Variants in GPC5 observed in about 807,000 individuals in gnomAD.
GPC5 encodes glypican-5.
In GPC5, 47 loss-of-function variants were observed where a neutral mutation model predicts 53.9. The observed-to-expected ratio is 0.87, with a 90% CI of 0.69 to 1.11. The LOEUF (loss-of-function observed/expected upper bound fraction) is 1.11, where lower values mean the gene tolerates loss of function less well. GPC5 is among the 50% of genes most tolerant of loss of function. The probability of loss-of-function intolerance (pLI) is 0.00; values close to 1 mark genes in which losing one functional copy is unlikely to be tolerated. For synonymous variants in GPC5, 286 were observed against 263.3 expected (o/e 1.09, Z -0.84); for missense variants, 748 against 713.1 (o/e 1.05, Z -0.56).
chr13:92,587,960 A>C (rs1883591541), intron 7 of GPC5, among the ~76,000 whole-genome samples: 1 of 151,742 alleles, frequency 6.6e-6, no homozygotes. Flanking sequence ...CTGAACATGC[A>C]GGTTTTTTAC....
Position 91,456,281 on chromosome 13 carries a change from C to A in GPC5, c.325+7359C>A, listed in dbSNP as rs573567495. Among the ~76,000 whole-genome samples, 23 of 151,990 alleles carry A rather than the reference C, an allele frequency of 1.5e-4. 1 individual carries two copies. In the South Asian group the frequency reaches 2.7e-3, roughly 18 times the overall value. On this transcript the variant is annotated intron_variant, in intron 2 of 7. Coordinates refer to ENST00000377067, the MANE Select transcript of GPC5 (RefSeq NM_004466.6). The stretch of plus-strand genomic sequence containing the variant: ...ATGGTGATCCTGTATAAGGTATAGA[C>A]AAAGTGTATAATCTTTTTTTTTAGT...
At chr13:92,414,640 A>G (rs929468154) in intron 7 of GPC5, among the ~76,000 whole-genome samples, 1 of 152,162 alleles carries the variant, frequency 6.6e-6, no homozygotes, top group Admixed American at 6.6e-5. Flanking sequence ...AAAGATGAGT[A>G]TGGGTGTCTG....
chr13:91,732,028 T>A (rs746942257), intron 4 of GPC5, among the ~76,000 whole-genome samples: 3 of 152,264 alleles, frequency 2.0e-5, no homozygotes, highest in Non-Finnish European at 4.4e-5. Context: ...GAATGATTTA[T>A]AATCCTTTGG....
intron 7 of GPC5, among the ~76,000 whole-genome samples, chr13:92,647,414 C>G (rs12873920): frequency 6.6e-6 from 1 of 151,876 alleles, no homozygotes; most frequent in Non-Finnish European, 1.5e-5. Flanking sequence ...TGAGATTTGC[C>G]TGTGTTTTCA....
At chr13:92,650,390 CA>C (rs1885916017) in intron 7 of GPC5, among the ~76,000 whole-genome samples, 1 of 152,040 alleles carries the variant, frequency 6.6e-6, no homozygotes, top group Non-Finnish European at 1.5e-5. Context: ...CAGTGATTTC[CA>C]GAGCAAATGG....
intron 6 of GPC5, among the ~76,000 whole-genome samples, chr13:92,084,278 A>C (rs533716408): frequency 6.6e-6 from 1 of 152,172 alleles, no homozygotes; most frequent in South Asian, 2.1e-4. Context: ...CCAGAACTTA[A>C]TTTTTTTTAA....
At chr13:92,638,800 G>A (rs1380125786) in intron 7 of GPC5, among the ~76,000 whole-genome samples, 1 of 152,170 alleles carries the variant, frequency 6.6e-6, no homozygotes, top group African/African-American at 2.4e-5. Context: ...GGAAGGAGGA[G>A]TCAGCAGAGA....
intron 1 of GPC5, among the ~76,000 whole-genome samples, chr13:91,432,408 G>A (rs1403782361): frequency 1.3e-5 from 2 of 152,134 alleles, no homozygotes; most frequent in African/African-American, 2.4e-5. Flanking sequence ...AGATATGCTT[G>A]TGATTGGTTA....
At position 92,123,093 on chromosome 13, in the gene GPC5, T is replaced by C. The variant is rs189604016; in HGVS notation, c.1402-21737T>C. ...ATAAATAACTGATGGCCAAAATGGA[T>C]AATTGTCATGATAGAAGTTATTGAC... On this transcript the variant is annotated intron_variant, in intron 6 of 7. Coordinates refer to ENST00000377067, the MANE Select transcript of GPC5 (RefSeq NM_004466.6). Among the ~76,000 whole-genome samples, 311 of 152,260 alleles carry C rather than the reference T, an allele frequency of 2.0e-3. 1 individual carries two copies. Among genetic ancestry groups the C allele is most frequent in the Non-Finnish European group, 3.6e-3 (244 of 68,018 alleles).
chr13:91,881,240 G>A (rs1435436934), intron 5 of GPC5, among the ~76,000 whole-genome samples: 1 of 151,900 alleles, frequency 6.6e-6, no homozygotes, highest in East Asian at 1.9e-4. Flanking sequence ...TGTAACAGAA[G>A]CACCTAAAAA....
intron 7 of GPC5, among the ~76,000 whole-genome samples, chr13:92,692,442 A>G (rs1887426859): frequency 6.6e-6 from 1 of 150,894 alleles, no homozygotes; most frequent in Non-Finnish European, 1.5e-5. Context: ...TTCTTTGAGA[A>G]ATCTCCAAAC....
chr13:91,476,886 T>C (rs1882961118), intron 2 of GPC5, among the ~76,000 whole-genome samples: 1 of 152,106 alleles, frequency 6.6e-6, no homozygotes, highest in Non-Finnish European at 1.5e-5. Context: ...AGTGAAGAAA[T>C]TGGCTGAAGG....
chr13:92,350,514 G>A (rs1276624420), intron 7 of GPC5, among the ~76,000 whole-genome samples: 1 of 152,190 alleles, frequency 6.6e-6, no homozygotes, highest in African/African-American at 2.4e-5. Flanking sequence ...AGAGCACAAA[G>A]ATAGTTACAG....
At chr13:91,705,593 TG>T (rs2036081635) in intron 3 of GPC5, among the ~76,000 whole-genome samples, 1 of 152,072 alleles carries the variant, frequency 6.6e-6, no homozygotes, top group African/African-American at 2.4e-5. Context: ...ATATCATCGT[TG>T]GGGGGAAGGA....
intron 2 of GPC5, among the ~76,000 whole-genome samples, chr13:91,647,173 T>C (rs1265577864): frequency 6.6e-6 from 1 of 151,548 alleles, no homozygotes; most frequent in African/African-American, 2.4e-5. Context: ...GTTTTTTTTG[T>C]GCAGGGTATA....
intron 7 of GPC5, among the ~76,000 whole-genome samples, chr13:92,595,582 C>G (rs1883846901): frequency 6.6e-6 from 1 of 151,474 alleles, no homozygotes; most frequent in African/African-American, 2.4e-5. Flanking sequence ...TCCTGGCTAA[C>G]ACGGTGAAAC....
intron 7 of GPC5, among the ~76,000 whole-genome samples, chr13:92,208,131 A>T (rs2042350523): frequency 6.6e-6 from 1 of 152,162 alleles, no homozygotes; most frequent in South Asian, 2.1e-4. Flanking sequence ...CACTCATTTC[A>T]TGGACCCAGG....
At chr13:92,683,981 G>T (rs1003282532) in intron 7 of GPC5, among the ~76,000 whole-genome samples, 1 of 152,052 alleles carries the variant, frequency 6.6e-6, no homozygotes, top group South Asian at 2.1e-4. Context: ...GATTTTAATA[G>T]ATGTATAATA....
At chr13:91,599,851 A>G (rs1410359192) in intron 2 of GPC5, among the ~76,000 whole-genome samples, 1 of 152,208 alleles carries the variant, frequency 6.6e-6, no homozygotes, top group Non-Finnish European at 1.5e-5. Flanking sequence ...AACTGAAAAT[A>G]TTTGCGGGCT....
Sources: allele counts gnomAD v4.1 joint callset (sites outside exome capture counted in the v4.1 genomes callset), GRCh38; gene constraint gnomAD v4.1.1; transcripts MANE v1.5; gene names NCBI Gene and HGNC (gene_info 2026-07-23, HGNC 2026-07-21).